The following PTPRD variants were observed in gnomAD, a reference collection of about 807,000 sequenced individuals.
The protein encoded by PTPRD is protein tyrosine phosphatase receptor type D.
PTPRD carries 34 observed loss-of-function variants against 214.5 expected under a neutral mutation model. The observed-to-expected ratio is 0.16, with a 90% confidence interval of 0.12 to 0.21. The LOEUF (loss-of-function observed/expected upper bound fraction) is 0.21. Among genes scored for constraint, PTPRD ranks in the 10% least tolerant of loss-of-function variants. The pLI, the probability that PTPRD is intolerant of heterozygous loss-of-function variation, is 1.00. For synonymous variants in PTPRD, 1,128 were observed against 845.7 expected, an observed-to-expected ratio of 1.33 and a Z score of -5.79; for missense variants, 2,545 against 2,398.7, an observed-to-expected ratio of 1.06 and a Z score of -1.27.
intron 11 of PTPRD, among the ~76,000 whole-genome samples, chr9:8,752,219 G>C (rs12343509): frequency 1.3e-5 from 2 of 152,102 alleles, no homozygotes; most frequent in Non-Finnish European, 2.9e-5. Flanking sequence ...CAAGATACAG[G>C]TCATAAAGAT....
chr9:8,986,580 G>A (rs2154344147), intron 11 of PTPRD, among the ~76,000 whole-genome samples: 1 of 151,836 alleles, frequency 6.6e-6, no homozygotes, highest in Non-Finnish European at 1.5e-5. Context: ...GAGTTATACA[G>A]TATCCCTTCT....
intron 12 of PTPRD, among the ~76,000 whole-genome samples, chr9:8,651,269 C>T: frequency 6.6e-6 from 1 of 152,132 alleles, no homozygotes; most frequent in East Asian, 1.9e-4. Flanking sequence ...TTCACAAATT[C>T]TCCTGAGTGA....
At chr9:8,838,076 T>C (rs1045092610) in intron 11 of PTPRD, among the ~76,000 whole-genome samples, 1 of 152,102 alleles carries the variant, frequency 6.6e-6, no homozygotes, top group African/African-American at 2.4e-5. Flanking sequence ...AAGAAAAATC[T>C]CTAAGAAAAT....
At chr9:10,244,896 A>G (rs554419738) in intron 3 of PTPRD, among the ~76,000 whole-genome samples, 5 of 152,256 alleles carry the variant, frequency 3.3e-5, no homozygotes, top group African/African-American at 9.6e-5. Flanking sequence ...TGGACTCCAG[A>G]CATGAGTCTA....
chr9:9,452,341 T>C (rs1025416431), intron 8 of PTPRD, among the ~76,000 whole-genome samples: 1 of 151,528 alleles, frequency 6.6e-6, no homozygotes. Context: ...AACAAAGTAG[T>C]AGAGTTTACT....
At chr9:10,195,098 A>ATTTTTTTTTTTTTTTTT (rs34900305) in intron 3 of PTPRD, among the ~76,000 whole-genome samples, 3 of 97,910 alleles carry the variant, frequency 3.1e-5, no homozygotes, top group Non-Finnish European at 5.8e-5. Context: ...ATACCCGGCT[A>ATTTTTTTTTTTTTTTTT]TTTTTTTTTT....
intron 2 of PTPRD, among the ~76,000 whole-genome samples, chr9:10,574,165 T>C (rs1252190092): frequency 6.6e-6 from 1 of 151,672 alleles, no homozygotes; most frequent in African/African-American, 2.4e-5. Flanking sequence ...AACTACCTCA[T>C]TGAAGTTCAC....
intron 5 of PTPRD, among the ~76,000 whole-genome samples, chr9:9,926,900 C>G (rs139112046): frequency 7.8e-4 from 118 of 152,204 alleles, no homozygotes; most frequent in African/African-American, 2.7e-3. Context: ...ATGGAAAAAG[C>G]TTTCCTGTAG....
At chr9:10,287,299 T>C (rs1401846533) in intron 3 of PTPRD, among the ~76,000 whole-genome samples, 3 of 152,144 alleles carry the variant, frequency 2.0e-5, no homozygotes, top group Non-Finnish European at 2.9e-5. Flanking sequence ...CTGGGACCTG[T>C]AGCTGGGTGA....
intron 11 of PTPRD, among the ~76,000 whole-genome samples, chr9:8,893,221 G>C (rs572575813): frequency 3.3e-5 from 5 of 152,250 alleles, no homozygotes; most frequent in Admixed American, 3.3e-4. Context: ...TAAAACAGAA[G>C]CATGTTCCTG....
intron 11 of PTPRD, among the ~76,000 whole-genome samples, chr9:8,995,395 T>C (rs1309849540): frequency 6.6e-6 from 1 of 152,088 alleles, no homozygotes; most frequent in East Asian, 1.9e-4. Flanking sequence ...ATTAAGAATA[T>C]AATATTGCAA....
At chr9:9,868,751 T>G (rs1028092439) in intron 5 of PTPRD, among the ~76,000 whole-genome samples, 1 of 151,940 alleles carries the variant, frequency 6.6e-6, no homozygotes, top group African/African-American at 2.4e-5. Context: ...AATGAAATCT[T>G]AAAAACTTTC....
At chr9:9,292,714 C>T (rs1951599028) in intron 9 of PTPRD, among the ~76,000 whole-genome samples, 2 of 151,384 alleles carry the variant, frequency 1.3e-5, no homozygotes, top group African/African-American at 4.8e-5. Context: ...ATTTAATAGT[C>T]ATATCTCCTT....
At chr9:10,575,659 TG>T (rs1449280823) in intron 2 of PTPRD, among the ~76,000 whole-genome samples, 1 of 152,134 alleles carries the variant, frequency 6.6e-6, no homozygotes, top group Admixed American at 6.5e-5. Flanking sequence ...TGGTCATTTA[TG>T]GTGATTACAA....
At chr9:8,920,070 G>A (rs922523869) in intron 11 of PTPRD, among the ~76,000 whole-genome samples, 1 of 152,182 alleles carries the variant, frequency 6.6e-6, no homozygotes, top group Non-Finnish European at 1.5e-5. Flanking sequence ...GCTGGGTGCA[G>A]TGGCTCACAG....
rs187237985 is a variant in PTPRD, at chr9:10,104,312, G to T, written c.-544-70522C>A. Among the ~76,000 whole-genome samples, 389 of 151,748 alleles carry T rather than the reference G, an allele frequency of 2.6e-3. 2 individuals are homozygous for T. The highest frequency in any genetic ancestry group is 8.9e-3 in the African/African-American group (370 of 41,460). On this transcript the variant is annotated intron_variant, in intron 3 of 45. Transcript: ENST00000381196. ...AACTGTATAGTTACAAATGGTTAAG[G>T]TGATAAATTTTATGTTATATATATA...
At chr9:10,440,098 T>C (rs1247760166) in intron 2 of PTPRD, among the ~76,000 whole-genome samples, 2 of 151,448 alleles carry the variant, frequency 1.3e-5, no homozygotes, top group Non-Finnish European at 3.0e-5. Context: ...TTTACATAAA[T>C]GGTTAAAAAA....
rs1036893039 is a variant in PTPRD at position 10,296,328 on chromosome 9, C to T, written c.-545+44635G>A. On this transcript the variant is annotated intron_variant, in intron 3 of 45. Coordinates refer to ENST00000381196, the MANE Select transcript of PTPRD (RefSeq NM_002839.4). ...GGTATCAAAGCCTGAAACTTATATT[C>T]GTTTTATCTGAGTTCCTTCTTCAGG... Among the ~76,000 whole-genome samples the T allele has an allele frequency of 5.9e-5, 9 of 151,886 alleles. No individual in the cohort carries two copies. In the South Asian group the frequency reaches 1.0e-3, roughly 18 times the overall value.
chr9:9,524,114 G>C (rs141840013), intron 8 of PTPRD, among the ~76,000 whole-genome samples: 279 of 152,260 alleles, frequency 1.8e-3, no homozygotes, highest in Non-Finnish European at 3.4e-3. Flanking sequence ...CAAGAGGAAA[G>C]ACCCAGCTTG....
Sources: gnomAD v4.1 joint callset for allele counts (sites outside exome capture counted in the v4.1 genomes callset) on GRCh38, gnomAD v4.1.1 for gene constraint, MANE v1.5 for transcripts, NCBI Gene and HGNC (gene_info 2026-07-23, HGNC 2026-07-21) for gene names.